The following ROBO2 variants were observed in gnomAD, a reference collection of about 807,000 sequenced individuals.
The protein encoded by ROBO2 is roundabout guidance receptor 2.
A neutral mutation model predicts 160.8 loss-of-function variants in ROBO2; 53 were observed. The ratio of observed to expected loss-of-function variants is 0.33; its 90% CI spans 0.26 to 0.41. The LOEUF (loss-of-function observed/expected upper bound fraction) is 0.41. Among genes scored for constraint, ROBO2 ranks in the 10% least tolerant of loss-of-function variants. The pLI is 1.00. For synonymous variants in ROBO2, 664 were observed against 611.7 expected (o/e 1.09, Z -1.26); for missense variants, 1,577 against 1,722.4 (o/e 0.92, Z 1.49).
intron 2 of ROBO2, among the ~76,000 whole-genome samples, chr3:76,969,140 A>G (rs1559779916): frequency 6.6e-6 from 1 of 152,224 alleles, no homozygotes; most frequent in Non-Finnish European, 1.5e-5. Flanking sequence ...AGCTTTGACA[A>G]CAAGTGAAAG....
At chr3:77,255,196 A>G (rs1433556153) in intron 2 of ROBO2, among the ~76,000 whole-genome samples, 1 of 152,186 alleles carries the variant, frequency 6.6e-6, no homozygotes, top group Non-Finnish European at 1.5e-5. Flanking sequence ...GAGGTTTTGA[A>G]ATCAAATTAA....
At chr3:76,471,938 C>CG (rs1388549940) in intron 2 of ROBO2, among the ~76,000 whole-genome samples, 43 of 152,114 alleles carry the variant, frequency 2.8e-4, no homozygotes, top group African/African-American at 9.6e-4. Context: ...ACCGCCCTCA[C>CG]GATTCAGTGA....
chr3:76,049,673 C>A (rs1168271901), intron 2 of ROBO2, among the ~76,000 whole-genome samples: 2 of 151,964 alleles, frequency 1.3e-5, no homozygotes, highest in African/African-American at 2.4e-5. Flanking sequence ...TTAATTAATT[C>A]TTTCCACATA....
intron 2 of ROBO2, among the ~76,000 whole-genome samples, chr3:76,125,819 T>A (rs950100748): frequency 6.6e-6 from 1 of 152,096 alleles, no homozygotes; most frequent in Non-Finnish European, 1.5e-5. Flanking sequence ...CAAAATAATT[T>A]TATTTTCTAT....
In ROBO2 at chr3:76,622,185, A is replaced by AGG. The variant is rs774856806; in HGVS notation, c.110-475829_110-475828insGG. Among the ~76,000 whole-genome samples the AGG allele has an allele frequency of 2.3e-4, 15 of 65,136 alleles. 3 individuals are homozygous for AGG. Among genetic ancestry groups the AGG allele is most frequent in the Non-Finnish European group, 4.3e-4 (13 of 30,196 alleles). The allele number at this position is 65,136 out of a possible 152,430, so 42.7% of individuals were successfully genotyped here. The stretch of plus-strand genomic sequence containing the variant: ...ATAGCAAGACCTCATATCTACTAAA[A>AGG]AAAAGAAAGGAAGGAAGGAAGGAAG... On this transcript the variant is annotated intron_variant, in intron 2 of 26. Transcript: ENST00000487694.
intron 2 of ROBO2, among the ~76,000 whole-genome samples, chr3:77,003,072 A>G (rs2061409564): frequency 6.6e-6 from 1 of 152,184 alleles, no homozygotes; most frequent in East Asian, 1.9e-4. Flanking sequence ...TTTTATCTCT[A>G]TACAGTTTCT....
intron 2 of ROBO2, among the ~76,000 whole-genome samples, chr3:76,081,841 C>T (rs1256865545): frequency 6.6e-6 from 1 of 151,666 alleles, no homozygotes; most frequent in Non-Finnish European, 1.5e-5. Flanking sequence ...AATACATACA[C>T]ACACACACAC....
chr3:76,705,818 C>T (rs1324302231), intron 2 of ROBO2, among the ~76,000 whole-genome samples: 1 of 152,016 alleles, frequency 6.6e-6, no homozygotes, highest in African/African-American at 2.4e-5. Flanking sequence ...GATTAAATTT[C>T]CTATGCCACA....
At chr3:77,089,622 G>A (rs934430948) in intron 1 of ROBO2, among the ~76,000 whole-genome samples, 1 of 152,122 alleles carries the variant, frequency 6.6e-6, no homozygotes, top group African/African-American at 2.4e-5. Flanking sequence ...GCTTCCAGAA[G>A]GAATAATAAT....
intron 2 of ROBO2, among the ~76,000 whole-genome samples, chr3:76,976,398 T>G (rs921281326): frequency 1.3e-5 from 2 of 152,226 alleles, no homozygotes; most frequent in African/African-American, 4.8e-5. Flanking sequence ...AATTTTTGTT[T>G]GCTTTAATCG....
At chr3:77,333,898 G>A (rs1170026010) in intron 2 of ROBO2, among the ~76,000 whole-genome samples, 1 of 152,122 alleles carries the variant, frequency 6.6e-6, no homozygotes, top group Non-Finnish European at 1.5e-5. Context: ...TAAAAAGGGC[G>A]AAGCAACAAG....
intron 22 of ROBO2, chr3:77,618,047 A>C (rs1337536396): frequency 4.4e-6 from 2 of 457,940 alleles, no homozygotes; most frequent in Non-Finnish European, 7.9e-6. Flanking sequence ...CAAGAATTCA[A>C]ATCTGCTGTA....
chr3:76,780,889 G>C (rs969296698), intron 2 of ROBO2, among the ~76,000 whole-genome samples: 1 of 149,888 alleles, frequency 6.7e-6, no homozygotes, highest in African/African-American at 2.4e-5. Context: ...GAGTGCTTTG[G>C]TTATTCAGTC....
At chr3:77,167,169 T>C (rs967025290) in intron 2 of ROBO2, among the ~76,000 whole-genome samples, 2 of 152,180 alleles carry the variant, frequency 1.3e-5, no homozygotes, top group African/African-American at 4.8e-5. Flanking sequence ...TTATCTTCCA[T>C]TGATAAAATT....
At chr3:76,424,232 C>T (rs1324263525) in intron 2 of ROBO2, among the ~76,000 whole-genome samples, 1 of 151,998 alleles carries the variant, frequency 6.6e-6, no homozygotes, top group Non-Finnish European at 1.5e-5. Context: ...TTAAATTATG[C>T]AATGAATTGA....
chr3:77,186,939 T>G (rs2081337807), intron 2 of ROBO2, among the ~76,000 whole-genome samples: 1 of 152,006 alleles, frequency 6.6e-6, no homozygotes, highest in Non-Finnish European at 1.5e-5. Context: ...GTCAGCTGAT[T>G]ATAACTCACA....
In ROBO2 at chr3:76,473,414, G is replaced by C. The variant is rs112970167; in HGVS notation, c.109+535812G>C. ...TATTTAACAAATTATTTTTGCTTTT[G>C]ACAAGTATGTTCTGAATACCTTCCT... On this transcript the variant is annotated intron_variant, in intron 2 of 26. Coordinates refer to the ROBO2 transcript ENST00000487694. 8.0e-3 allele frequency among the ~76,000 whole-genome samples: 1,211 copies of C among 152,138 alleles called. 13 individuals are homozygous for C. The highest frequency in any genetic ancestry group is 0.027 in the African/African-American group (1,112 of 41,538).
intron 2 of ROBO2, among the ~76,000 whole-genome samples, chr3:76,059,869 G>A (rs571185323): frequency 3.3e-5 from 5 of 152,042 alleles, no homozygotes; most frequent in Non-Finnish European, 4.4e-5. Flanking sequence ...TCTACATATG[G>A]CTAGCCAGTT....
At chr3:77,307,645 G>A (rs2153418940) in intron 2 of ROBO2, among the ~76,000 whole-genome samples, 1 of 152,304 alleles carries the variant, frequency 6.6e-6, no homozygotes, top group Middle Eastern at 3.4e-3. Flanking sequence ...CACTTTGGGA[G>A]GCTGAGGCTG....
Sources: allele counts gnomAD v4.1 joint callset (sites outside exome capture counted in the v4.1 genomes callset), GRCh38; gene constraint gnomAD v4.1.1; transcripts MANE v1.5; gene names NCBI Gene and HGNC (gene_info 2026-07-23, HGNC 2026-07-21).